Variants in CLVS2 observed in about 807,000 individuals in gnomAD.
CLVS2 encodes the protein clavesin-2.
A neutral mutation model predicts 29.0 loss-of-function variants in CLVS2; 19 were observed. The ratio of observed to expected loss-of-function variants is 0.66; its 90% CI spans 0.46 to 0.96. CLVS2 has a LOEUF of 0.96. CLVS2 is among the 40% of genes least tolerant of loss of function. CLVS2 has a pLI of 0.00. For missense variants in CLVS2, 294 were observed against 404.1 expected (o/e 0.73, Z 2.34); for synonymous variants, 161 against 151.3 (o/e 1.06, Z -0.47).
chr6:123,015,448 T>G (rs1212532632), intron 3 of CLVS2, among the ~76,000 whole-genome samples: 1 of 152,060 alleles, frequency 6.6e-6, no homozygotes, highest in Non-Finnish European at 1.5e-5. Flanking sequence ...AGTGAAACTT[T>G]GAGGAGTTTA....
chr6:123,026,089 C>A (rs531986725), intron 3 of CLVS2, among the ~76,000 whole-genome samples: 1 of 151,990 alleles, frequency 6.6e-6, no homozygotes, highest in African/African-American at 2.4e-5. Context: ...GAAGGATGAT[C>A]TTTCCATGTT....
At chr6:123,060,230 A>G (rs1772755280) in intron 5 of CLVS2, among the ~76,000 whole-genome samples, 1 of 152,206 alleles carries the variant, frequency 6.6e-6, no homozygotes, top group South Asian at 2.1e-4. Context: ...ATGCAAAAAG[A>G]TGACTTGTCT....
At chr6:123,049,809 G>GA (rs1317854551) in intron 4 of CLVS2, among the ~76,000 whole-genome samples, 1 of 146,592 alleles carries the variant, frequency 6.8e-6, no homozygotes, top group Non-Finnish European at 1.5e-5. Context: ...TGGGATGGGG[G>GA]GCGGGGAGGA....
rs530279493 is a variant in CLVS2, at chr6:123,063,709, G to A, written c.932G>A (p.Arg311His). 5.3e-5 allele frequency: 86 copies of A among 1,612,036 alleles called. No homozygotes were observed. The highest frequency in any genetic ancestry group is 3.4e-4 in the South Asian group (31 of 90,948). Reference protein sequence around the residue: ...QSVVDPTVLKRMDKNEEENMQ... With the variant: ...QSVVDPTVLKHMDKNEEENMQ... ...GTAGTGGATCCTACAGTACTAAAAC[G>A]CATGGATAAAAATGAGGAAGAAAAC... Residue 311 changes from arginine to histidine, a missense_variant, in exon 6 of 6, where the codon CGC (arginine) becomes CAC (histidine). By Grantham distance (29) the Arg-to-His change is conservative. This residue lies in a region of CLVS2 where 82 missense variants were observed against 67.8 expected (regional missense o/e 1.21). Coordinates refer to ENST00000275162, the MANE Select transcript of CLVS2 (RefSeq NM_001010852.4).
chr6:123,036,937 G>A (rs551994348), intron 3 of CLVS2, among the ~76,000 whole-genome samples: 1 of 152,248 alleles, frequency 6.6e-6, no homozygotes, highest in East Asian at 1.9e-4. Context: ...CGTTAGTCGA[G>A]CCAACTCCAT....
At chr6:123,006,083 T>C (rs1243853032) in intron 2 of CLVS2, among the ~76,000 whole-genome samples, 4 of 152,192 alleles carry the variant, frequency 2.6e-5, no homozygotes, top group African/African-American at 9.7e-5. Flanking sequence ...ACTGAAGCAC[T>C]ATAATTTCAG....
intron 3 of CLVS2, among the ~76,000 whole-genome samples, chr6:123,035,936 T>C (rs545998760): frequency 1.3e-5 from 2 of 152,284 alleles, no homozygotes; most frequent in African/African-American, 4.8e-5. Context: ...TTTTTCTTTA[T>C]ATGACTGAGA....
intron 3 of CLVS2, among the ~76,000 whole-genome samples, chr6:123,017,323 A>G (rs1429474951): frequency 1.3e-5 from 2 of 152,128 alleles, no homozygotes; most frequent in Non-Finnish European, 2.9e-5. Context: ...TTAAGGCAGC[A>G]TTATGATACA....
At chr6:123,062,944 C>T (rs1230860415) in intron 5 of CLVS2, among the ~76,000 whole-genome samples, 2 of 152,206 alleles carry the variant, frequency 1.3e-5, no homozygotes, top group African/African-American at 4.8e-5. Flanking sequence ...CATATTGTTT[C>T]CTAATGACAA....
chr6:123,012,805 A>G (rs1774769334), intron 3 of CLVS2, among the ~76,000 whole-genome samples: 1 of 151,964 alleles, frequency 6.6e-6, no homozygotes, highest in South Asian at 2.1e-4. Context: ...AAAATATCTC[A>G]GCCCCTTTCT....
At chr6:123,001,797 G>A (rs1386520703) in intron 2 of CLVS2, among the ~76,000 whole-genome samples, 1 of 152,130 alleles carries the variant, frequency 6.6e-6, no homozygotes, top group Admixed American at 6.5e-5. Context: ...AGGAAGCTTG[G>A]AAAGAAAGTA....
intron 2 of CLVS2, among the ~76,000 whole-genome samples, chr6:123,004,362 A>G (rs925639429): frequency 1.3e-5 from 2 of 152,306 alleles, no homozygotes; most frequent in African/African-American, 4.8e-5. Flanking sequence ...ACTCACCTAC[A>G]TTCCCACAGC....
chr6:123,041,278 A>G (rs139939036), intron 3 of CLVS2, among the ~76,000 whole-genome samples: 1 of 152,296 alleles, frequency 6.6e-6, no homozygotes, highest in African/African-American at 2.4e-5. Flanking sequence ...TGATTGTAGA[A>G]TCACCAAAGC....
chr6:123,063,853 A>T lies in CLVS2; in HGVS notation c.*92A>T. 1 of 826,384 alleles carries T rather than the reference A, an allele frequency of 1.2e-6. No individual in the cohort carries two copies. The highest frequency in any genetic ancestry group is 2.0e-6 in the Non-Finnish European group (1 of 503,634). The allele number at this position is 826,384 out of a possible 1,614,324, so 51.2% of individuals were successfully genotyped here. On this transcript the variant is annotated 3_prime_UTR_variant, in exon 6 of 6. Coordinates refer to ENST00000275162, the MANE Select transcript of CLVS2 (RefSeq NM_001010852.4). The stretch of plus-strand genomic sequence containing the variant: ...ACTGTAGAGGAATTACCAGCTGGAA[A>T]CCGACTTATTCATGTTAATGTAGCA...
At chr6:123,046,201 C>T (rs1321653668) in intron 3 of CLVS2, among the ~76,000 whole-genome samples, 2 of 152,334 alleles carry the variant, frequency 1.3e-5, no homozygotes, top group Admixed American at 1.3e-4. Context: ...TGCTCTTTCA[C>T]TCTGCCTCAA....
chr6:123,063,613 A>C (rs1310946040), intron 5 of CLVS2, 61 bp from the exon 6 acceptor site: 5 of 897,350 alleles, frequency 5.6e-6, no homozygotes, highest in Non-Finnish European at 9.0e-6. Flanking sequence ...AAAAGAGGAG[A>C]GAATGTCATC....
chr6:123,029,893 C>T (rs912266205), intron 3 of CLVS2, among the ~76,000 whole-genome samples: 3 of 152,160 alleles, frequency 2.0e-5, no homozygotes, highest in Non-Finnish European at 4.4e-5. Context: ...TAAAACAGAT[C>T]GATGAAGCAG....
At chr6:123,055,254 A>G (rs1206336458) in intron 4 of CLVS2, among the ~76,000 whole-genome samples, 1 of 152,204 alleles carries the variant, frequency 6.6e-6, no homozygotes, top group Non-Finnish European at 1.5e-5. Context: ...ATGCTAATCT[A>G]CTTTGGTTAT....
intron 3 of CLVS2, among the ~76,000 whole-genome samples, chr6:123,045,206 G>A (rs571427312): frequency 1.3e-5 from 2 of 152,030 alleles, no homozygotes; most frequent in Non-Finnish European, 2.9e-5. Flanking sequence ...AGATGAATGA[G>A]GCACAGTCTG....
Sources: allele counts gnomAD v4.1 joint callset (sites outside exome capture counted in the v4.1 genomes callset), GRCh38; gene constraint gnomAD v4.1.1; regional missense constraint gnomAD v4.1.1; transcripts MANE v1.5; gene names NCBI Gene and HGNC (gene_info 2026-07-23, HGNC 2026-07-21).